Variants in SAMD5 observed in about 807,000 individuals in gnomAD.
SAMD5 encodes the protein sterile alpha motif domain-containing protein 5.
In SAMD5, 13 loss-of-function variants were observed where a neutral mutation model predicts 11.3. The observed-to-expected ratio is 1.15, with a 90% CI of 0.75 to 1.83. The LOEUF is 1.83. SAMD5 is among the 40% of genes most tolerant of loss of function. SAMD5 has a pLI of 0.00. For missense variants in SAMD5, 255 were observed against 239.1 expected (o/e 1.07, Z -0.44); for synonymous variants, 129 against 111.3 (o/e 1.16, Z -1.00).
chr6:147,727,177 C>A (rs976050457), intron 1 of SAMD5, among the ~76,000 whole-genome samples: 2 of 152,196 alleles, frequency 1.3e-5, no homozygotes, highest in Non-Finnish European at 2.9e-5. Context: ...TGTGTTCCAA[C>A]CACAGGGAAT....
chr6:147,637,137 A>G (rs148766604), intron 1 of SAMD5, among the ~76,000 whole-genome samples: 1 of 152,278 alleles, frequency 6.6e-6, no homozygotes, highest in African/African-American at 2.4e-5. Context: ...GATGGCCGCC[A>G]TTCTCTAGGA....
At chr6:147,849,438 C>T in the SAMD5 span, among the ~76,000 whole-genome samples, 170 of 151,924 alleles carry the variant, frequency 1.1e-3, 1 homozygote, top group African/African-American at 3.9e-3. Context: ...GAAAGAAATA[C>T]GTACTTTTTT....
chr6:147,693,726 G>T (rs139909867), intron 1 of SAMD5, among the ~76,000 whole-genome samples: 1 of 152,176 alleles, frequency 6.6e-6, no homozygotes, highest in Admixed American at 6.5e-5. Context: ...AGCACTTTGG[G>T]AGGCCAAGGT....
the SAMD5 span, among the ~76,000 whole-genome samples, chr6:147,914,158 C>CTT: frequency 2.1e-4 from 28 of 132,336 alleles, no homozygotes; most frequent in African/African-American, 6.4e-4. Flanking sequence ...GTTTTTGCGA[C>CTT]TTTTTTTTTT....
the SAMD5 span, among the ~76,000 whole-genome samples, chr6:147,774,533 T>C: frequency 6.6e-6 from 1 of 152,156 alleles, no homozygotes; most frequent in Admixed American, 6.6e-5. Flanking sequence ...CCCAGTACAA[T>C]GTAAATGCTA....
At chr6:147,539,702 G>GA (rs201641945) in intron 1 of SAMD5, among the ~76,000 whole-genome samples, 5,242 of 128,802 alleles carry the variant, frequency 0.041, 143 homozygotes, top group East Asian at 0.088. Context: ...GTGGCAAGAT[G>GA]AAAAAAAAAA....
At chr6:147,897,943 T>TAAAAAAAAAAA in the SAMD5 span, among the ~76,000 whole-genome samples, 15 of 89,598 alleles carry the variant, frequency 1.7e-4, no homozygotes, top group Admixed American at 3.1e-4. Flanking sequence ...AGATTTTTCT[T>TAAAAAAAAAAA]AAAAAAAAAA....
chr6:147,559,065 T>C (rs1319392639), intron 1 of SAMD5, among the ~76,000 whole-genome samples: 2 of 152,184 alleles, frequency 1.3e-5, no homozygotes, highest in African/African-American at 4.8e-5. Flanking sequence ...GAAAGTACAG[T>C]ACAGAATTCC....
the SAMD5 span, among the ~76,000 whole-genome samples, chr6:147,867,149 T>G: frequency 6.6e-6 from 1 of 152,174 alleles, no homozygotes; most frequent in Non-Finnish European, 1.5e-5. Flanking sequence ...AAAAACACTT[T>G]GCCAAATATT....
At chr6:147,627,284 C>T (rs1391488168) in intron 1 of SAMD5, among the ~76,000 whole-genome samples, 2 of 152,094 alleles carry the variant, frequency 1.3e-5, no homozygotes, top group East Asian at 1.9e-4. Context: ...ACTGAAGGCC[C>T]TTGCTTAGGT....
chr6:147,766,392 CACA>C, the SAMD5 span, among the ~76,000 whole-genome samples: 2 of 152,132 alleles, frequency 1.3e-5, no homozygotes, highest in African/African-American at 2.4e-5. Context: ...CCCAACACAT[CACA>C]ACATTTCAAA....
At chr6:147,703,346 A>T (rs568881154) in intron 1 of SAMD5, among the ~76,000 whole-genome samples, 1 of 152,330 alleles carries the variant, frequency 6.6e-6, no homozygotes, top group African/African-American at 2.4e-5. Flanking sequence ...TGCTGGGATT[A>T]TAGGCGTGAG....
At chr6:147,838,441 T>C in the SAMD5 span, among the ~76,000 whole-genome samples, 27 of 152,160 alleles carry the variant, frequency 1.8e-4, no homozygotes, top group African/African-American at 5.5e-4. Context: ...TAATACTGTT[T>C]AATGGTGTTG....
intron 1 of SAMD5, among the ~76,000 whole-genome samples, chr6:147,613,364 T>C (rs1789815347): frequency 6.6e-6 from 1 of 151,850 alleles, no homozygotes; most frequent in Non-Finnish European, 1.5e-5. Flanking sequence ...CCCCACGCAC[T>C]AAGAGATAGT....
chr6:147,878,936 A>G, the SAMD5 span, among the ~76,000 whole-genome samples: 2 of 152,004 alleles, frequency 1.3e-5, no homozygotes, highest in Non-Finnish European at 2.9e-5. Flanking sequence ...TTGTATTTTT[A>G]GTACTTTTTA....
chr6:147,512,114 C>T (rs772274702), intron 1 of SAMD5, among the ~76,000 whole-genome samples: 6 of 152,140 alleles, frequency 3.9e-5, no homozygotes, highest in African/African-American at 1.2e-4. Context: ...CCTGCCACCA[C>T]GCCCGGCTAA....
chr6:147,525,045 AT>A (rs2128440505), intron 1 of SAMD5, among the ~76,000 whole-genome samples: 1 of 151,998 alleles, frequency 6.6e-6, no homozygotes, highest in South Asian at 2.1e-4. Context: ...TCACTGTGCA[AT>A]TTCTCCAAGA....
chr6:147,885,416 C>CT, the SAMD5 span, among the ~76,000 whole-genome samples: 2 of 152,100 alleles, frequency 1.3e-5, no homozygotes, highest in African/African-American at 4.8e-5. Context: ...TGACACAACC[C>CT]TTTTTTCTTT....
chr6:147,596,707 C>T (rs1411976675), intron 1 of SAMD5, among the ~76,000 whole-genome samples: 1 of 152,104 alleles, frequency 6.6e-6, no homozygotes. Flanking sequence ...ACTTCATAAA[C>T]AATATTTCTT....
Sources: gnomAD v4.1 joint callset for allele counts (sites outside exome capture counted in the v4.1 genomes callset) on GRCh38, gnomAD v4.1.1 for gene constraint, MANE v1.5 for transcripts, NCBI Gene and HGNC (gene_info 2026-07-23, HGNC 2026-07-21) for gene names.